ZFAT: variants seen among roughly 807,000 people sequenced by gnomAD.
ZFAT encodes zinc finger protein ZFAT.
ZFAT carries 64 observed loss-of-function variants against 117.7 expected under a neutral mutation model. The observed-to-expected ratio is 0.54, with a 90% CI of 0.44 to 0.67. ZFAT has a LOEUF of 0.67. ZFAT is among the 30% of genes least tolerant of loss of function. The pLI is 0.00. For synonymous variants in ZFAT, 679 were observed against 615.0 expected, an observed-to-expected ratio of 1.10 and a Z score of -1.54; for missense variants, 1,433 against 1,584.5, an observed-to-expected ratio of 0.90 and a Z score of 1.62.
At chr8:134,628,005 G>A (rs1268132778) in intron 3 of ZFAT, among the ~76,000 whole-genome samples, 2 of 152,118 alleles carry the variant, frequency 1.3e-5, no homozygotes, top group South Asian at 2.1e-4. Flanking sequence ...AGGCACGTGC[G>A]CGGCACAATG....
rs138233653 is a variant in ZFAT at position 134,605,883 on chromosome 8, G to A, written c.785+2846C>T. On this transcript the variant is annotated intron_variant, in intron 5 of 15. Transcript: ENST00000377838. The stretch of plus-strand genomic sequence containing the variant: ...CAGAAAGTGCCATAGGCCAGCCTAC[G>A]TACTAAATATAAAAGTAAGCAGACA... Among the ~76,000 whole-genome samples the A allele has an allele frequency of 9.9e-5, 15 of 152,282 alleles. No homozygotes were observed. In the East Asian group the frequency reaches 1.5e-3, roughly 16 times the overall value.
At chr8:134,785,244 T>C in the ZFAT span, 2 of 152,188 alleles carry the variant, frequency 1.3e-5, no homozygotes, top group African/African-American at 4.8e-5. Flanking sequence ...TAAGTAGTCC[T>C]TTATGTAATT....
At chr8:134,616,916 C>T (rs145807586) in intron 3 of ZFAT, among the ~76,000 whole-genome samples, 1 of 152,138 alleles carries the variant, frequency 6.6e-6, no homozygotes, top group Non-Finnish European at 1.5e-5. Context: ...AAATAAGGAC[C>T]TCAAAAGATG....
At position 134,610,463 on chromosome 8, in the gene ZFAT, C is replaced by A. The variant is rs953507505; in HGVS notation, c.634+7G>T. On this transcript the variant is annotated splice_region_variant and intron_variant, in intron 4 of 15. Coordinates refer to ENST00000377838, the MANE Select transcript of ZFAT (RefSeq NM_020863.4). ...TTGCCTTTTCCTTTCCCGCTTGGTG[C>A]AGTCACCTGGAATTGCTTCGTGTGC... 1 of 1,611,532 alleles carries A rather than the reference C, an allele frequency of 6.2e-7. No individual in the cohort carries two copies. Among genetic ancestry groups the A allele is most frequent in the Non-Finnish European group, 8.5e-7 (1 of 1,179,140 alleles).
chr8:134,817,029 G>C, the ZFAT span, among the ~76,000 whole-genome samples: 7 of 151,062 alleles, frequency 4.6e-5, no homozygotes, highest in Non-Finnish European at 4.4e-5. Context: ...TTTAAAATAT[G>C]AAATATTCAG....
chr8:134,703,923 A>C (rs1405591814), intron 1 of ZFAT, among the ~76,000 whole-genome samples: 3 of 152,196 alleles, frequency 2.0e-5, no homozygotes, highest in Non-Finnish European at 4.4e-5. Flanking sequence ...CAGATGGTGG[A>C]AAAGAGTAAA....
At chr8:134,638,667 G>A (rs1271943555) in intron 2 of ZFAT, among the ~76,000 whole-genome samples, 2 of 151,578 alleles carry the variant, frequency 1.3e-5, no homozygotes, top group East Asian at 1.9e-4. Context: ...GGCAGAGCTT[G>A]TAGTAAGCTG....
chr8:134,500,011 AG>A (rs1033186923), intron 15 of ZFAT, among the ~76,000 whole-genome samples: 1 of 152,188 alleles, frequency 6.6e-6, no homozygotes, highest in African/African-American at 2.4e-5. Context: ...ATGAAAAACA[AG>A]GGCCAGCCTG....
chr8:134,667,492 C>T (rs1002702951), intron 1 of ZFAT, among the ~76,000 whole-genome samples: 5 of 64,220 alleles, frequency 7.8e-5, no homozygotes, highest in African/African-American at 1.9e-4. Flanking sequence ...GACTAAGTCT[C>T]AAAAAAAAAA....
intron 15 of ZFAT, among the ~76,000 whole-genome samples, chr8:134,481,296 G>T (rs1365902133): frequency 1.3e-5 from 2 of 152,166 alleles, no homozygotes; most frequent in African/African-American, 4.8e-5. Flanking sequence ...AAAGGGTGAG[G>T]GGATGGGGAT....
chr8:134,550,042 G>A (rs1192571176), intron 11 of ZFAT, among the ~76,000 whole-genome samples: 1 of 152,128 alleles, frequency 6.6e-6, no homozygotes, highest in East Asian at 1.9e-4. Context: ...TAATGTTGAT[G>A]TTTACGGGAT....
chr8:134,503,958 ACC>A (rs1491573066), intron 15 of ZFAT, among the ~76,000 whole-genome samples: 6 of 151,858 alleles, frequency 4.0e-5, no homozygotes, highest in East Asian at 1.9e-4. Context: ...ACACACACAC[ACC>A]CCTATGAGTT....
At chr8:134,518,699 TTTAC>T (rs1820419616) in intron 13 of ZFAT, among the ~76,000 whole-genome samples, 1 of 151,978 alleles carries the variant, frequency 6.6e-6, no homozygotes, top group African/African-American at 2.4e-5. Flanking sequence ...CATTTATCTT[TTTAC>T]TTATTTATGA....
chr8:134,778,564 A>C, the ZFAT span, among the ~76,000 whole-genome samples: 19 of 152,330 alleles, frequency 1.2e-4, no homozygotes, highest in African/African-American at 4.1e-4. Flanking sequence ...CTGGCCCTGG[A>C]GGCAGAATAT....
chr8:134,584,373 C>A (rs2130851229), intron 9 of ZFAT, among the ~76,000 whole-genome samples: 1 of 152,334 alleles, frequency 6.6e-6, no homozygotes, highest in South Asian at 2.1e-4. Context: ...TCCTTCATAT[C>A]TGCCCTCTCC....
chr8:134,571,341 T>A (rs528715234), intron 10 of ZFAT, among the ~76,000 whole-genome samples: 1 of 152,316 alleles, frequency 6.6e-6, no homozygotes, highest in East Asian at 1.9e-4. Flanking sequence ...ACCAGCCGCA[T>A]GAGGAAGAGG....
At chr8:134,724,765 T>C in the ZFAT span, among the ~76,000 whole-genome samples, 1 of 152,198 alleles carries the variant, frequency 6.6e-6, no homozygotes, top group East Asian at 1.9e-4. Flanking sequence ...AGGGGAGCTG[T>C]CTATAGCAAG....
chr8:134,480,980 A>C (rs527571159), intron 15 of ZFAT, among the ~76,000 whole-genome samples: 21 of 152,232 alleles, frequency 1.4e-4, no homozygotes, highest in Admixed American at 1.2e-3. Flanking sequence ...AAAATTATGG[A>C]TTGGAAGGAA....
chr8:134,631,170 T>C (rs1829865609), intron 3 of ZFAT, among the ~76,000 whole-genome samples: 1 of 152,246 alleles, frequency 6.6e-6, no homozygotes, highest in South Asian at 2.1e-4. Context: ...TTTTCTCTAC[T>C]GCTATTCCTG....
Sources: allele counts gnomAD v4.1 joint callset (sites outside exome capture counted in the v4.1 genomes callset), GRCh38; gene constraint gnomAD v4.1.1; transcripts MANE v1.5; gene names NCBI Gene and HGNC (gene_info 2026-07-23, HGNC 2026-07-21).